Variants in TBC1D9B observed in about 807,000 individuals in gnomAD.
The protein encoded by TBC1D9B is TBC1 domain family member 9B, also known as TBC1 domain family, member 9B (with GRAM domain).
Under a neutral mutation model 121.1 loss-of-function variants are expected in TBC1D9B, and 87 were observed. The ratio of observed to expected loss-of-function variants is 0.72; its 90% confidence interval spans 0.60 to 0.86. TBC1D9B has a LOEUF of 0.86. Ranked by LOEUF, TBC1D9B falls within the 40% of genes least tolerant of loss-of-function variation. TBC1D9B has a pLI of 0.00. For missense variants in TBC1D9B, 1,540 were observed against 1,628.6 expected, an observed-to-expected ratio of 0.95 and a Z score of 0.94; for synonymous variants, 668 against 670.1, an observed-to-expected ratio of 1.00 and a Z score of 0.05.
rs370892203 is a variant in TBC1D9B at position 179,865,917 on chromosome 5, T to C, written c.2864-29A>G. 9 of 1,613,704 alleles carry C rather than the reference T, an allele frequency of 5.6e-6. 1 individual carries two copies. The Admixed American group carries it at 8.3e-5, about 15-fold the overall frequency. On this transcript the variant is annotated intron_variant, in intron 18 of 20. Transcript: ENST00000355235. The surrounding 1 kb of genome is among the most constrained non-coding windows in gnomAD (Gnocchi z 5.1). The stretch of plus-strand genomic sequence containing the variant: ...GACAAACGCAAAAATAAAAAGAACA[T>C]GAATAACATTCTGCTGTTGGGACTG...
Position 179,875,154 on chromosome 5 carries a change from A to T in TBC1D9B, c.1934T>A (p.Leu645His). 1 of 1,613,632 alleles carries T rather than the reference A, an allele frequency of 6.2e-7. No homozygotes were observed. Among genetic ancestry groups the T allele is most frequent in the Non-Finnish European group, 8.5e-7 (1 of 1,179,992 alleles). ...GAGCTGCGGCAGGAAGTCTCTCGTG[A>T]GCTCTTCGAAGATGCCTTGGTCCAC... ...ALVDQGIFEE[L>H]TRDFLPQLSE... The change falls in exon 12 of 21, where the codon CTC becomes CAC. Residue 645 changes from leucine to histidine, a missense_variant. Leu to His is a moderately conservative substitution (Grantham distance 99). Transcript: ENST00000355235. The surrounding 1 kb of genome is among the most constrained non-coding windows in gnomAD (Gnocchi z 4.5).
At chr5:179,867,497 T>C (rs1302410379) in intron 18 of TBC1D9B, 3 of 1,559,650 alleles carry the variant, frequency 1.9e-6, no homozygotes, top group South Asian at 2.4e-5. Flanking sequence ...GAGGAGATGC[T>C]GGAAGGGACA....
Position 179,871,629 on chromosome 5 carries a change from G to C in TBC1D9B, c.2416-99C>G, listed in dbSNP as rs1582078363. 4 of 1,307,608 alleles carry C rather than the reference G, an allele frequency of 3.1e-6. No individual in the cohort carries two copies. In the East Asian group the frequency reaches 9.8e-5, roughly 32 times the overall value. 81.0% of individuals were successfully genotyped at this position (1,307,608 alleles called of 1,614,324 possible). ...GCATCCTCGGCAGACAAGGGCAAGG[G>C]TGTGAACCGCCCTCTCAGTGGCCCA... On this transcript the variant is annotated intron_variant, in intron 14 of 20. Coordinates refer to ENST00000355235, the MANE Select transcript of TBC1D9B (RefSeq NM_015043.4).
intron 7 of TBC1D9B, among the ~76,000 whole-genome samples, chr5:179,887,300 A>G (rs1228855636): frequency 6.6e-6 from 1 of 152,254 alleles, no homozygotes; most frequent in African/African-American, 2.4e-5. Flanking sequence ...TTGGGAATAA[A>G]CAGCACCTCA....
At position 179,904,597 on chromosome 5, in the gene TBC1D9B, G is replaced by A; in HGVS notation, c.229+105C>T. ...CTTGCAGCCTTGGGCTATGCTGTCAGCAGGGAATACCACCCAGACACGTGG... is the reference window on the plus strand; with the variant it reads ...CTTGCAGCCTTGGGCTATGCTGTCAACAGGGAATACCACCCAGACACGTGG... On this transcript the variant is annotated intron_variant, in intron 2 of 20. Coordinates refer to ENST00000355235, the MANE Select transcript of TBC1D9B (RefSeq NM_015043.4). This position sits in a 1 kb window ranked among gnomAD's most constrained non-coding sequence, Gnocchi z 4.2. The A allele has an allele frequency of 2.0e-6, 2 of 980,716 alleles. No homozygotes were observed. The highest frequency in any genetic ancestry group is 2.7e-5 in the East Asian group (1 of 37,210). The allele number at this position is 980,716 out of a possible 1,614,324, so 60.8% of individuals were successfully genotyped here. A position where few individuals can be genotyped will look rare whatever the true frequency, so the allele number is the denominator to read the frequency against.
chr5:179,864,175 T>G, intron 20 of TBC1D9B, 47 bp from the exon 21 acceptor site: 1 of 1,519,422 alleles, frequency 6.6e-7, no homozygotes. Context: ...AAAAGACCAG[T>G]CAGACGGGGT....
intron 17 of TBC1D9B, chr5:179,869,499 T>G (rs1760119927): frequency 1.6e-6 from 1 of 634,770 alleles, no homozygotes; most frequent in Non-Finnish European, 2.9e-6. Context: ...GGGTTTTGGG[T>G]CCAGCTGCCT....
At chr5:179,872,856 A>ACCCCCCCCCCC in intron 14 of TBC1D9B, 36 bp downstream of exon 14, 1 of 868,370 alleles carries the variant, frequency 1.2e-6, no homozygotes, top group Non-Finnish European at 1.6e-6. Context: ...CTGCCCCCCC[A>ACCCCCCCCCCC]GCCCAGCCCC....
chr5:179,862,771 G>A lies in TBC1D9B; in HGVS notation c.*677C>T, dbSNP rs1024208716. On this transcript the variant is annotated 3_prime_UTR_variant, in exon 21 of 21. Coordinates refer to ENST00000355235, the MANE Select transcript of TBC1D9B (RefSeq NM_015043.4). ...TCTTTCAGGGATTTATTAAGGCATTGAGCACAGTGTAATTTCTAGCCAAGT... is the reference window on the plus strand; with the variant it reads ...TCTTTCAGGGATTTATTAAGGCATTAAGCACAGTGTAATTTCTAGCCAAGT... The A allele has an allele frequency of 8.4e-6, 3 of 359,028 alleles. No homozygotes were observed. The highest frequency in any genetic ancestry group is 6.5e-5 in the Admixed American group (2 of 30,594). The allele number at this position is 359,028 out of a possible 1,614,324, so 22.2% of individuals were successfully genotyped here. A position where few individuals can be genotyped will look rare whatever the true frequency, so the allele number is the denominator to read the frequency against.
At chr5:179,903,052 G>C (rs1483252197) in intron 2 of TBC1D9B, among the ~76,000 whole-genome samples, 3 of 152,178 alleles carry the variant, frequency 2.0e-5, no homozygotes, top group Admixed American at 6.5e-5. Context: ...CTGAAGCTGG[G>C]TTCCAGCCGT....
rs189232501 is a variant in TBC1D9B at position 179,882,464 on chromosome 5, C to A, written c.1255-2675G>T. On this transcript the variant is annotated intron_variant, in intron 7 of 20. Coordinates refer to ENST00000355235, the MANE Select transcript of TBC1D9B (RefSeq NM_015043.4). Reference sequence around the variant, plus strand: ...AGACTCCACAGAAGCTGAGAGAGCCCCTGAACTCCTCTGCATGTTCTTTAC... The same window carrying A: ...AGACTCCACAGAAGCTGAGAGAGCCACTGAACTCCTCTGCATGTTCTTTAC... Among the ~76,000 whole-genome samples, 3 of 152,280 alleles carry A rather than the reference C, an allele frequency of 2.0e-5. No homozygotes were observed. In the East Asian group the frequency reaches 5.8e-4, roughly 29 times the overall value.
chr5:179,886,588 G>A (rs143704690), intron 7 of TBC1D9B, among the ~76,000 whole-genome samples: 7 of 152,206 alleles, frequency 4.6e-5, no homozygotes, highest in Non-Finnish European at 1.0e-4. Flanking sequence ...GCTCACTGAC[G>A]TAGTAATTTA....
intron 3 of TBC1D9B, among the ~76,000 whole-genome samples, chr5:179,898,977 A>G (rs1372742642): frequency 6.6e-6 from 1 of 152,228 alleles, no homozygotes; most frequent in African/African-American, 2.4e-5. Flanking sequence ...AGGCTTCAGC[A>G]GCCTCCAGTG....
Position 179,865,391 on chromosome 5 carries a change from T to C in TBC1D9B, c.2915-31A>G, listed in dbSNP as rs766276136. ...GGTTAGGAGGAAAGAGATTAATCTT[T>C]GTCATGTGAGACGGCTGCGGGCTGA... On this transcript the variant is annotated intron_variant, in intron 19 of 20. Transcript: ENST00000355235. The surrounding 1 kb of genome is among the most constrained non-coding windows in gnomAD (Gnocchi z 5.1). 1 of 1,606,350 alleles carries C rather than the reference T, an allele frequency of 6.2e-7. No individual in the cohort carries two copies. The highest frequency in any genetic ancestry group is 1.1e-5 in the South Asian group (1 of 90,920).
Position 179,893,246 on chromosome 5 carries a change from G to T in TBC1D9B, c.799C>A (p.Pro267Thr), listed in dbSNP as rs773269119. 3.1e-6 allele frequency: 5 copies of T among 1,613,170 alleles called. No individual in the cohort carries two copies. The East Asian group carries it at 8.9e-5, about 29-fold the overall frequency. Residue 267 changes from proline to threonine, a missense_variant, in exon 5 of 21, where the codon CCC becomes ACC. Physicochemically the swap from Pro to Thr is conservative, Grantham distance 38. Coordinates refer to ENST00000355235, the MANE Select transcript of TBC1D9B (RefSeq NM_015043.4). Reference protein sequence around the residue: ...GFLEDKALPRPIRPHRNISAL... With the variant: ...GFLEDKALPRTIRPHRNISAL... ...GAGATGTTCCTGTGTGGCCGGATGG[G>T]CCTAGGCAGGGCCTTGTCCTCCAGG...
chr5:179,876,429 G>C (rs59156400), intron 10 of TBC1D9B, among the ~76,000 whole-genome samples: 1 of 152,144 alleles, frequency 6.6e-6, no homozygotes, highest in Non-Finnish European at 1.5e-5. Context: ...TTGGAGGTGG[G>C]ATTATGACCA....
Position 179,890,167 on chromosome 5 carries a change from C to T in TBC1D9B, c.1044+1212G>A, listed in dbSNP as rs1053913947. On this transcript the variant is annotated intron_variant, in intron 6 of 20. Coordinates refer to ENST00000355235, the MANE Select transcript of TBC1D9B (RefSeq NM_015043.4). The surrounding 1 kb of genome is among the most constrained non-coding windows in gnomAD (Gnocchi z 5.0). ...CACCCACAGCAGAGTGAGCTGCGTG[C>T]GCAAAAGCCTGCAGGCTGGAACGTG... Among the ~76,000 whole-genome samples, 20 of 152,300 alleles carry T rather than the reference C, an allele frequency of 1.3e-4. No individual in the cohort carries two copies. Among genetic ancestry groups the T allele is most frequent in the African/African-American group, 3.8e-4 (16 of 41,566 alleles).
chr5:179,895,868 T>C (rs1477164189), intron 3 of TBC1D9B, among the ~76,000 whole-genome samples: 1 of 152,204 alleles, frequency 6.6e-6, no homozygotes, highest in African/African-American at 2.4e-5. Flanking sequence ...TCCCAAAATA[T>C]GCCCTTTTGA....
At chr5:179,871,090 G>A (rs1280595856) in intron 15 of TBC1D9B, among the ~76,000 whole-genome samples, 1 of 152,242 alleles carries the variant, frequency 6.6e-6, no homozygotes, top group Non-Finnish European at 1.5e-5. Context: ...AGGAAGAGCA[G>A]TGCAGAGGAC....
Sources: gnomAD v4.1 joint callset for allele counts (sites outside exome capture counted in the v4.1 genomes callset) on GRCh38, gnomAD v4.1.1 for gene constraint, Gnocchi (gnomAD v3.1) non-coding constraint, MANE v1.5 for transcripts, NCBI Gene and HGNC (gene_info 2026-07-23, HGNC 2026-07-21) for gene names.